The following POR variants were observed in gnomAD, a reference collection of about 807,000 sequenced individuals.
POR encodes the protein cytochrome p450 oxidoreductase.
Under a neutral mutation model 84.0 loss-of-function variants are expected in POR, and 56 were observed. The observed-to-expected ratio is 0.67, with a 90% CI of 0.54 to 0.83. The LOEUF is 0.83. POR is among the 40% of genes least tolerant of loss of function. The pLI, the probability that POR is intolerant of heterozygous loss-of-function variation, is 0.00. For synonymous variants in POR, 414 were observed against 400.5 expected (o/e 1.03, Z -0.40); for missense variants, 938 against 944.3 (o/e 0.99, Z 0.09).
chr7:75,981,388 C>T (rs931605708), intron 6 of POR, 129 bp from the exon 7 acceptor site: 24 of 1,203,624 alleles, frequency 2.0e-5, no homozygotes, highest in African/African-American at 1.2e-4. Context: ...GGGTTTATGT[C>T]GCTGGGTGCC....
rs79722403 is a variant in POR at position 75,933,450 on chromosome 7, G to A, written c.-5+18271G>A. On this transcript the variant is annotated intron_variant, in intron 1 of 15. Coordinates refer to ENST00000461988, the MANE Select transcript of POR (RefSeq NM_000941.3). ...GTTGCCCAGGCTGGAGTGCAATGGCGCGATCTCGGCTCACTGCAACCTCTG... is the reference window on the plus strand; with the variant it reads ...GTTGCCCAGGCTGGAGTGCAATGGCACGATCTCGGCTCACTGCAACCTCTG... Among the ~76,000 whole-genome samples the A allele has an allele frequency of 4.4e-4, 63 of 141,658 alleles. No individual in the cohort carries two copies. The East Asian group carries it at 8.0e-3, about 18-fold the overall frequency. 92.9% of individuals were successfully genotyped at this position (141,658 alleles called of 152,430 possible).
intron 1 of POR, among the ~76,000 whole-genome samples, chr7:75,934,389 G>T (rs1246441506): frequency 4.6e-5 from 7 of 152,146 alleles, no homozygotes; most frequent in Non-Finnish European, 1.5e-5. Flanking sequence ...TGGGAGCAAA[G>T]AAATGACTTA....
rs551161714 is a variant in POR at position 75,966,237 on chromosome 7, C to T, written c.189-6176C>T. On this transcript the variant is annotated intron_variant, in intron 2 of 15. Transcript: ENST00000461988. ...TGGCCACTCACACCTGCTTTCACCT[C>T]CCCCTGCCTGTAGCCAGCTGTCTCC... Among the ~76,000 whole-genome samples the T allele has an allele frequency of 5.3e-5, 8 of 152,314 alleles. No homozygotes were observed. The South Asian group carries it at 1.7e-3, about 32-fold the overall frequency.
At chr7:75,982,676 C>T (rs1024160535) in intron 8 of POR, among the ~76,000 whole-genome samples, 26 of 152,196 alleles carry the variant, frequency 1.7e-4, no homozygotes, top group African/African-American at 3.9e-4. Context: ...AGAAACCTGG[C>T]GTTCCTCTCT....
chr7:75,981,256 T>G (rs782598725), intron 6 of POR, 84 bp downstream of exon 6: 462 of 1,458,128 alleles, frequency 3.2e-4, no homozygotes, highest in Non-Finnish European at 3.8e-4. Flanking sequence ...CACCATTGTG[T>G]CAGCTGAGAC....
intron 12 of POR, 138 bp downstream of exon 12, chr7:75,985,345 C>T (rs1789368898): frequency 8.1e-7 from 1 of 1,237,668 alleles, no homozygotes; most frequent in Non-Finnish European, 1.1e-6. Context: ...CTCCAAATGC[C>T]TCCCCAGGCT....
At chr7:75,928,019 TG>T (rs1233848045) in intron 1 of POR, among the ~76,000 whole-genome samples, 1 of 147,832 alleles carries the variant, frequency 6.8e-6, no homozygotes, top group African/African-American at 2.5e-5. Flanking sequence ...TTGCCCAGGC[TG>T]GAGTACAGTG....
At position 75,986,231 on chromosome 7, in the gene POR, T is replaced by C; in HGVS notation, c.1888T>C (p.Tyr630His). ...GTTGATCGAAGGCGGTGCCCACATC[T>C]ACGTCTGTGGGTGAGTGAGTGGGGT... Residue 630 changes from tyrosine (Y) to histidine (H), a missense_variant, in exon 15 of 16, where the codon TAC becomes CAC. Coordinates refer to ENST00000461988, the MANE Select transcript of POR (RefSeq NM_000941.3). 1 of 1,612,576 alleles carries C rather than the reference T, an allele frequency of 6.2e-7. No individual in the cohort carries two copies.
At chr7:75,930,953 G>A (rs1807385002) in intron 1 of POR, among the ~76,000 whole-genome samples, 1 of 152,154 alleles carries the variant, frequency 6.6e-6, no homozygotes, top group South Asian at 2.1e-4. Flanking sequence ...CTCCTGAGTA[G>A]CGGGGACTAC....
At chr7:75,969,847 C>T (rs1161529300) in intron 2 of POR, among the ~76,000 whole-genome samples, 1 of 152,206 alleles carries the variant, frequency 6.6e-6, no homozygotes, top group Admixed American at 6.5e-5. Context: ...GATACACAGA[C>T]AGCCCCCAAG....
At chr7:75,954,537 T>G (rs1787596989) in intron 2 of POR, among the ~76,000 whole-genome samples, 1 of 151,894 alleles carries the variant, frequency 6.6e-6, no homozygotes. Flanking sequence ...ATTTATTTAT[T>G]TATTTATTTA....
At chr7:75,959,564 T>C (rs1787842727) in intron 2 of POR, among the ~76,000 whole-genome samples, 1 of 152,194 alleles carries the variant, frequency 6.6e-6, no homozygotes, top group Admixed American at 6.5e-5. Context: ...CAAGCGATTC[T>C]CTTGCTTCAG....
chr7:75,943,860 A>G (rs782583831), intron 1 of POR: 2 of 512,890 alleles, frequency 3.9e-6, no homozygotes, highest in African/African-American at 1.9e-5. Context: ...ATTGCAGGAA[A>G]GTCCAAAGGG....
chr7:75,940,069 A>G (rs1324352913), intron 1 of POR, among the ~76,000 whole-genome samples: 1 of 150,476 alleles, frequency 6.6e-6, no homozygotes, highest in African/African-American at 2.4e-5. Context: ...CCACCTCTTT[A>G]CTCTTATTTT....
intron 1 of POR, among the ~76,000 whole-genome samples, chr7:75,953,556 C>G (rs1787547103): frequency 6.6e-6 from 1 of 152,144 alleles, no homozygotes; most frequent in African/African-American, 2.4e-5. Context: ...GGGTTTAGGG[C>G]AACCCCCGCC....
At chr7:75,939,943 T>C (rs1554551324) in intron 1 of POR, among the ~76,000 whole-genome samples, 1 of 151,886 alleles carries the variant, frequency 6.6e-6, no homozygotes. Context: ...GGGGTCTTGC[T>C]TTGTTGCCCA....
intron 5 of POR, 49 bp from the exon 6 acceptor site, chr7:75,980,999 C>G (rs1554557706): frequency 2.0e-6 from 3 of 1,507,800 alleles, no homozygotes; most frequent in Non-Finnish European, 2.7e-6. Context: ...GCCCCTCCCA[C>G]TGGTCAGGTC....
intron 10 of POR, 131 bp from the exon 11 acceptor site, chr7:75,984,646 C>G: frequency 1.3e-6 from 1 of 792,026 alleles, no homozygotes; most frequent in Non-Finnish European, 2.1e-6. Flanking sequence ...AGAGCATAGG[C>G]CTTGTTTCCA....
At position 75,927,007 on chromosome 7, in the gene POR, G is replaced by A. The variant is rs113627634; in HGVS notation, c.-5+11828G>A. ...ACCCCAGGTCATTCAGTGAGGCTGC[G>A]TCTACCTGTAACTTTGCCATGTCCT... is the stretch of plus-strand genomic sequence containing the variant. On this transcript the variant is annotated intron_variant, in intron 1 of 15. Coordinates refer to ENST00000461988, the MANE Select transcript of POR (RefSeq NM_000941.3). 3.6e-3 allele frequency among the ~76,000 whole-genome samples: 546 copies of A among 152,212 alleles called. 4 individuals carry two copies. Among genetic ancestry groups the A allele is most frequent in the African/African-American group, 0.01 (436 of 41,544 alleles).
Sources: gnomAD v4.1 joint callset for allele counts (sites outside exome capture counted in the v4.1 genomes callset) on GRCh38, gnomAD v4.1.1 for gene constraint, MANE v1.5 for transcripts, NCBI Gene and HGNC (gene_info 2026-07-23, HGNC 2026-07-21) for gene names.